Variants in LRRIQ1 observed in about 807,000 individuals in gnomAD.
The protein encoded by LRRIQ1 is leucine-rich repeat- and IQ domain-containing protein 1.
LRRIQ1 carries 210 observed loss-of-function variants against 211.9 expected under a neutral mutation model. That is an observed-to-expected ratio of 0.99 (90% confidence interval 0.89 to 1.11). The LOEUF (loss-of-function observed/expected upper bound fraction) is 1.11. Among genes scored for constraint, LRRIQ1 ranks in the 50% most tolerant of loss-of-function variants. The pLI is 0.00. For missense variants in LRRIQ1, 2,136 were observed against 1,939.5 expected (o/e 1.10, Z -1.90); for synonymous variants, 699 against 650.1 (o/e 1.08, Z -1.14).
chr12:85,083,576 A>G (rs1057396027), intron 11 of LRRIQ1, among the ~76,000 whole-genome samples: 2 of 151,708 alleles, frequency 1.3e-5, no homozygotes, highest in African/African-American at 2.4e-5. Flanking sequence ...AGTAGCTGGG[A>G]TTACAGGCAT....
intron 1 of LRRIQ1, among the ~76,000 whole-genome samples, chr12:85,251,775 C>T (rs150884956): frequency 0.025 from 2,953 of 117,100 alleles, 107 homozygotes; most frequent in African/African-American, 0.17. Context: ...CGAGAAGTGG[C>T]GCAAAAAAAA....
chr12:85,101,435 A>G (rs1041773158), intron 13 of LRRIQ1, among the ~76,000 whole-genome samples: 3 of 151,804 alleles, frequency 2.0e-5, no homozygotes, highest in Admixed American at 2.0e-4. Flanking sequence ...CACAAAGTGG[A>G]AACTATTACC....
chr12:85,098,145 G>A (rs1220906125), intron 11 of LRRIQ1, among the ~76,000 whole-genome samples: 1 of 152,028 alleles, frequency 6.6e-6, no homozygotes, highest in African/African-American at 2.4e-5. Flanking sequence ...AGATAATTAT[G>A]TCATTCAAAA....
At chr12:85,257,087 TATTATATA>T (rs1369068782) in intron 1 of LRRIQ1, among the ~76,000 whole-genome samples, 1 of 93,886 alleles carries the variant, frequency 1.1e-5, no homozygotes, top group Non-Finnish European at 2.1e-5. Flanking sequence ...TATATAATTA[TATTATATA>T]ATTATATAAA....
chr12:85,075,104 A>G (rs1244963120), intron 11 of LRRIQ1, among the ~76,000 whole-genome samples: 1 of 152,168 alleles, frequency 6.6e-6, no homozygotes, highest in Non-Finnish European at 1.5e-5. Context: ...AGTGCTTTAT[A>G]CAAATTAACT....
chr12:85,109,006 C>T (rs900919912), intron 15 of LRRIQ1, among the ~76,000 whole-genome samples: 10 of 152,094 alleles, frequency 6.6e-5, no homozygotes, highest in African/African-American at 2.4e-4. Context: ...ACACCTGATC[C>T]TAGGGCAGAA....
chr12:85,237,581 G>C (rs1222832296), intron 26 of LRRIQ1, among the ~76,000 whole-genome samples: 1 of 152,080 alleles, frequency 6.6e-6, no homozygotes, highest in Non-Finnish European at 1.5e-5. Context: ...AGACTCTAGA[G>C]ACCAATCAAA....
intron 24 of LRRIQ1, among the ~76,000 whole-genome samples, chr12:85,171,094 G>A (rs986080179): frequency 7.9e-5 from 12 of 152,020 alleles, no homozygotes; most frequent in African/African-American, 2.4e-4. Flanking sequence ...TTTAGATAAT[G>A]GAGATTTTAA....
rs190729538 is a variant in LRRIQ1, at chr12:85,143,975, C to T, written c.4329+6006C>T. On this transcript the variant is annotated intron_variant, in intron 19 of 26. Coordinates refer to ENST00000393217, the MANE Select transcript of LRRIQ1 (RefSeq NM_001079910.2). ...GCAGCTTTGCTATATAGGTAAATTA[C>T]GTGTCGTGGGGTTTGAAGTACAGAT... 2.7e-3 allele frequency among the ~76,000 whole-genome samples: 416 copies of T among 151,566 alleles called. 1 individual carries two copies. Among genetic ancestry groups the T allele is most frequent in the African/African-American group, 9.8e-3 (405 of 41,418 alleles).
At chr12:85,197,371 A>G (rs1436525885) in intron 24 of LRRIQ1, among the ~76,000 whole-genome samples, 1 of 151,856 alleles carries the variant, frequency 6.6e-6, no homozygotes, top group Non-Finnish European at 1.5e-5. Flanking sequence ...ATAAAGACAC[A>G]TGCACCTGTA....
At chr12:85,121,375 T>TCTTTTCATAATGC (rs1366703970) in intron 15 of LRRIQ1, among the ~76,000 whole-genome samples, 8 of 152,178 alleles carry the variant, frequency 5.3e-5, no homozygotes, top group African/African-American at 1.7e-4. Context: ...TATCTAATAT[T>TCTTTTCATAATGC]ATTATTCTTT....
intron 5 of LRRIQ1, among the ~76,000 whole-genome samples, chr12:85,046,982 T>C (rs1294202620): frequency 8.0e-6 from 1 of 124,922 alleles, no homozygotes; most frequent in Non-Finnish European, 1.6e-5. Context: ...AAGGGGAACA[T>C]CACACACCAG....
At chr12:85,160,589 T>C in intron 23 of LRRIQ1, 24 bp from the exon 24 acceptor site, 2 of 1,421,986 alleles carry the variant, frequency 1.4e-6, no homozygotes, top group Non-Finnish European at 2.0e-6. Context: ...TGAACTCTGC[T>C]CCTTTCTTAT....
intron 1 of LRRIQ1, among the ~76,000 whole-genome samples, chr12:85,261,947 C>T (rs1003692358): frequency 1.3e-5 from 2 of 151,906 alleles, no homozygotes; most frequent in Non-Finnish European, 1.5e-5. Context: ...TGCGCCACCA[C>T]GCCCGGCTAA....
chr12:85,260,469 T>A (rs1896253831), intron 1 of LRRIQ1, among the ~76,000 whole-genome samples: 1 of 152,142 alleles, frequency 6.6e-6, no homozygotes, highest in African/African-American at 2.4e-5. Flanking sequence ...TGGAAGGCAC[T>A]TGACTTAGCT....
chr12:85,261,763 T>TA lies in LRRIQ1; in HGVS notation c.122-1151dup, dbSNP rs1210768020. ...GGATCATAATTTTTATTTTTTTGTT[T>TA]ATTTTATTTATTTATTTATTTATTT... On this transcript the variant is annotated intron_variant, in intron 1 of 1. Coordinates refer to the LRRIQ1 transcript ENST00000602731. Among the ~76,000 whole-genome samples, 3 of 143,170 alleles carry TA rather than the reference T, an allele frequency of 2.1e-5. No individual in the cohort carries two copies. In the East Asian group the frequency reaches 6.0e-4, roughly 29 times the overall value. 93.9% of individuals were successfully genotyped at this position (143,170 alleles called of 152,430 possible). A position where few individuals can be genotyped will look rare whatever the true frequency, so the allele number is the denominator to read the frequency against.
chr12:85,131,884 C>G (rs1015531356), intron 18 of LRRIQ1, among the ~76,000 whole-genome samples: 12 of 152,072 alleles, frequency 7.9e-5, no homozygotes, highest in African/African-American at 2.4e-4. Flanking sequence ...GTGACTTAGT[C>G]AGAAATAAAT....
At chr12:85,094,646 TA>T (rs1341791498) in intron 11 of LRRIQ1, among the ~76,000 whole-genome samples, 1 of 152,142 alleles carries the variant, frequency 6.6e-6, no homozygotes, top group Non-Finnish European at 1.5e-5. Flanking sequence ...TCTAATTCTA[TA>T]AAAAATGATG....
intron 19 of LRRIQ1, among the ~76,000 whole-genome samples, chr12:85,142,078 A>T (rs1462897595): frequency 6.6e-6 from 1 of 151,360 alleles, no homozygotes; most frequent in Non-Finnish European, 1.5e-5. Flanking sequence ...CTTCTCTAAG[A>T]ATAGAATTCT....
Sources: gnomAD v4.1 joint callset for allele counts (sites outside exome capture counted in the v4.1 genomes callset) on GRCh38, gnomAD v4.1.1 for gene constraint, MANE v1.5 for transcripts, NCBI Gene and HGNC (gene_info 2026-07-23, HGNC 2026-07-21) for gene names.